The following GRIK1 variants were observed in gnomAD, a reference collection of about 807,000 sequenced individuals.
GRIK1 encodes glutamate receptor ionotropic, kainate 1.
GRIK1 carries 69 observed loss-of-function variants against 105.7 expected under a neutral mutation model. That is an observed-to-expected ratio of 0.65 (90% CI 0.54 to 0.80). The LOEUF (loss-of-function observed/expected upper bound fraction) is 0.80. GRIK1 is among the 30% of genes least tolerant of loss of function. The pLI is 0.00. For missense variants in GRIK1, 1,109 were observed against 1,167.3 expected, an observed-to-expected ratio of 0.95 and a Z score of 0.73; for synonymous variants, 438 against 431.3, an observed-to-expected ratio of 1.02 and a Z score of -0.19.
chr21:29,843,211 C>T (rs2068027919), intron 1 of GRIK1, among the ~76,000 whole-genome samples: 1 of 152,124 alleles, frequency 6.6e-6, no homozygotes, highest in African/African-American at 2.4e-5. Context: ...CTAATGCCCT[C>T]CAGAGATCCC....
At chr21:29,665,099 A>T (rs548154560) in intron 4 of GRIK1, among the ~76,000 whole-genome samples, 1 of 152,200 alleles carries the variant, frequency 6.6e-6, no homozygotes, top group Non-Finnish European at 1.5e-5. Flanking sequence ...AAGCATATGC[A>T]TATATGGTTT....
intron 1 of GRIK1, among the ~76,000 whole-genome samples, chr21:29,930,141 G>A (rs2071517103): frequency 6.6e-6 from 1 of 152,176 alleles, no homozygotes; most frequent in Non-Finnish European, 1.5e-5. Flanking sequence ...CATGGAAACA[G>A]CCTTAGGGTT....
chr21:29,805,195 T>A (rs773930596), intron 1 of GRIK1, among the ~76,000 whole-genome samples: 1 of 152,072 alleles, frequency 6.6e-6, no homozygotes, highest in African/African-American at 2.4e-5. Context: ...AAAGGGCAAA[T>A]CTCAGCCTAG....
chr21:29,832,087 A>C (rs758303445), intron 1 of GRIK1, among the ~76,000 whole-genome samples: 1 of 152,190 alleles, frequency 6.6e-6, no homozygotes, highest in Non-Finnish European at 1.5e-5. Flanking sequence ...GGAGTGGTTA[A>C]ATCTTAAAGC....
At chr21:29,573,303 C>T (rs910557461) in intron 14 of GRIK1, among the ~76,000 whole-genome samples, 3 of 152,182 alleles carry the variant, frequency 2.0e-5, no homozygotes, top group African/African-American at 7.2e-5. Flanking sequence ...CAGGGAGCAG[C>T]AGTTGTGAAC....
chr21:29,831,590 G>A (rs927241900), intron 1 of GRIK1, among the ~76,000 whole-genome samples: 5 of 152,076 alleles, frequency 3.3e-5, no homozygotes, highest in African/African-American at 1.2e-4. Context: ...GGAGGAGAGT[G>A]AAGGGGGAGG....
intron 7 of GRIK1, chr21:29,601,143 G>A (rs971275836): frequency 1.1e-5 from 5 of 443,790 alleles, no homozygotes; most frequent in East Asian, 5.8e-5. Flanking sequence ...CCCTCTCCAC[G>A]TGAGTGGGTA....
At chr21:29,601,698 C>G (rs1401070647) in intron 7 of GRIK1, among the ~76,000 whole-genome samples, 5 of 152,190 alleles carry the variant, frequency 3.3e-5, no homozygotes, top group East Asian at 1.9e-4. Flanking sequence ...GGCCTCCCAG[C>G]TTATACACCC....
intron 4 of GRIK1, among the ~76,000 whole-genome samples, chr21:29,667,268 G>C (rs2063077581): frequency 6.6e-6 from 1 of 152,156 alleles, no homozygotes; most frequent in South Asian, 2.1e-4. Flanking sequence ...AAGCATCTCT[G>C]TTTGCCATCA....
At chr21:29,685,590 T>A (rs1214369911) in intron 3 of GRIK1, among the ~76,000 whole-genome samples, 1 of 152,174 alleles carries the variant, frequency 6.6e-6, no homozygotes, top group Non-Finnish European at 1.5e-5. Flanking sequence ...CAATATTCAA[T>A]GCTTTTGTTG....
intron 1 of GRIK1, among the ~76,000 whole-genome samples, chr21:29,861,313 T>TA (rs2068628897): frequency 6.6e-6 from 1 of 151,292 alleles, no homozygotes; most frequent in East Asian, 2.0e-4. Context: ...CTTACTCTTT[T>TA]TTTTTCTTTT....
chr21:29,719,347 T>G (rs1246918711), intron 1 of GRIK1, among the ~76,000 whole-genome samples: 1 of 152,070 alleles, frequency 6.6e-6, no homozygotes, highest in African/African-American at 2.4e-5. Flanking sequence ...AATCATTCTC[T>G]GAGTCAATTG....
chr21:29,891,275 C>A (rs1259869869), intron 1 of GRIK1, among the ~76,000 whole-genome samples: 1 of 152,134 alleles, frequency 6.6e-6, no homozygotes. Context: ...GGAATCCGAT[C>A]ATTCAGTATC....
At chr21:29,824,654 A>G (rs1337934311) in intron 1 of GRIK1, among the ~76,000 whole-genome samples, 2 of 152,046 alleles carry the variant, frequency 1.3e-5, no homozygotes, top group Non-Finnish European at 2.9e-5. Context: ...AAGAACTGCA[A>G]GTAAGTTGAA....
Position 29,836,706 on chromosome 21 carries a change from C to T in GRIK1, c.118+102677G>A, listed in dbSNP as rs1381339502. 2.6e-5 allele frequency among the ~76,000 whole-genome samples: 4 copies of T among 152,096 alleles called. No homozygotes were observed. The South Asian group carries it at 8.3e-4, about 32-fold the overall frequency. The stretch of plus-strand genomic sequence containing the variant: ...ATTTACACAGACACTATCATAAGCC[C>T]ACAAATCTCACATCATGAGAAATCA... On this transcript the variant is annotated intron_variant, in intron 1 of 17. Coordinates refer to ENST00000327783, the MANE Select transcript of GRIK1 (RefSeq NM_001330994.2).
intron 1 of GRIK1, among the ~76,000 whole-genome samples, chr21:29,719,931 A>G (rs556868615): frequency 2.3e-3 from 348 of 152,356 alleles, no homozygotes; most frequent in African/African-American, 8.0e-3. Flanking sequence ...CATATTTCAG[A>G]AATACAGGTT....
At chr21:29,649,676 G>T (rs1216819969) in intron 6 of GRIK1, among the ~76,000 whole-genome samples, 1 of 152,214 alleles carries the variant, frequency 6.6e-6, no homozygotes, top group Non-Finnish European at 1.5e-5. Context: ...TGTTTTGTCA[G>T]CTCAGTATAA....
At chr21:29,854,090 G>A (rs1171725468) in intron 1 of GRIK1, among the ~76,000 whole-genome samples, 2 of 152,204 alleles carry the variant, frequency 1.3e-5, no homozygotes, top group East Asian at 1.9e-4. Context: ...TTTAGCTCAC[G>A]GTTCTGCAGG....
intron 1 of GRIK1, among the ~76,000 whole-genome samples, chr21:29,700,924 G>C (rs2063800634): frequency 6.6e-6 from 1 of 152,040 alleles, no homozygotes; most frequent in Non-Finnish European, 1.5e-5. Context: ...GGAAAATAAT[G>C]GTTTTCTATC....
Sources: allele counts gnomAD v4.1 joint callset (sites outside exome capture counted in the v4.1 genomes callset), GRCh38; gene constraint gnomAD v4.1.1; transcripts MANE v1.5; gene names NCBI Gene and HGNC (gene_info 2026-07-23, HGNC 2026-07-21).